Variants in DISC1 observed in about 807,000 individuals in gnomAD.
The protein encoded by DISC1 is disrupted in schizophrenia 1 protein.
A neutral mutation model predicts 84.5 loss-of-function variants in DISC1; 57 were observed. The ratio of observed to expected loss-of-function variants is 0.67; its 90% CI spans 0.55 to 0.84. The LOEUF (loss-of-function observed/expected upper bound fraction) is 0.84. Ranked by LOEUF, DISC1 falls within the 40% of genes least tolerant of loss-of-function variation. The pLI is 0.00. For synonymous variants in DISC1, 411 were observed against 415.2 expected (o/e 0.99, Z 0.12); for missense variants, 1,000 against 1,057.8 (o/e 0.95, Z 0.76).
In DISC1 at chr1:231,817,159, G is replaced by A. The variant is rs539855542; in HGVS notation, c.1793-1170G>A. Among the ~76,000 whole-genome samples the A allele has an allele frequency of 4.6e-5, 7 of 152,202 alleles. No individual in the cohort carries two copies. In the South Asian group the frequency reaches 1.0e-3, roughly 23 times the overall value. ...GAGTGCAGTGGCAGGATCTCAGCTCGCTGCAACCTACACCTCCTGGGTTTA... is the reference window on the plus strand; with the variant it reads ...GAGTGCAGTGGCAGGATCTCAGCTCACTGCAACCTACACCTCCTGGGTTTA... On this transcript the variant is annotated intron_variant, in intron 8 of 12. Transcript: ENST00000439617.
intron 3 of DISC1, among the ~76,000 whole-genome samples, chr1:231,738,280 T>A (rs1271070846): frequency 6.6e-6 from 1 of 152,218 alleles, no homozygotes; most frequent in Non-Finnish European, 1.5e-5. Flanking sequence ...TCCATTCCAT[T>A]TCACCAAGCA....
intron 9 of DISC1, among the ~76,000 whole-genome samples, chr1:231,927,624 A>G (rs988827744): frequency 9.2e-5 from 14 of 152,142 alleles, no homozygotes; most frequent in African/African-American, 3.1e-4. Flanking sequence ...TTTATGGGTA[A>G]CCATGCTTTG....
chr1:232,033,161 C>A (rs1375168490), intron 12 of DISC1, among the ~76,000 whole-genome samples: 1 of 152,156 alleles, frequency 6.6e-6, no homozygotes, highest in Non-Finnish European at 1.5e-5. Flanking sequence ...CATTCCTAGT[C>A]CTCTTCTTCT....
intron 11 of DISC1, among the ~76,000 whole-genome samples, chr1:232,013,106 C>T (rs1256102754): frequency 2.0e-5 from 3 of 152,286 alleles, no homozygotes; most frequent in Non-Finnish European, 4.4e-5. Context: ...CTCTTTTGTA[C>T]GGGCTGTTCT....
intron 10 of DISC1, among the ~76,000 whole-genome samples, chr1:231,986,243 C>T (rs1354250391): frequency 6.6e-6 from 1 of 152,116 alleles, no homozygotes. Flanking sequence ...CTGGGGATCT[C>T]AAGTTGGGAA....
chr1:231,745,517 C>T, intron 3 of DISC1: 1 of 197,208 alleles, frequency 5.1e-6, no homozygotes, highest in Non-Finnish European at 1.1e-5. Flanking sequence ...CCACCGCGCT[C>T]AGCCTAAACA....
intron 6 of DISC1, among the ~76,000 whole-genome samples, chr1:231,788,343 A>G (rs2078050604): frequency 6.6e-6 from 1 of 152,068 alleles, no homozygotes; most frequent in Non-Finnish European, 1.5e-5. Context: ...CCTTCTGGGG[A>G]CTGTTAGGGA....
intron 1 of DISC1, among the ~76,000 whole-genome samples, chr1:231,679,914 T>C (rs1356872173): frequency 2.0e-5 from 3 of 152,170 alleles, no homozygotes; most frequent in Non-Finnish European, 4.4e-5. Context: ...TTGAGCTTTT[T>C]GTATGTAGTC....
intron 9 of DISC1, among the ~76,000 whole-genome samples, chr1:231,863,635 A>T (rs1490539410): frequency 6.6e-6 from 1 of 152,210 alleles, no homozygotes; most frequent in Non-Finnish European, 1.5e-5. Context: ...CTTGGGGTAG[A>T]TTGAACTTCT....
intron 1 of DISC1, 143 bp from the exon 2 acceptor site, chr1:231,693,683 C>A: frequency 8.0e-7 from 1 of 1,253,522 alleles, no homozygotes; most frequent in Non-Finnish European, 1.1e-6. Flanking sequence ...AATGGATTGG[C>A]CCTGGGACCA....
intron 1 of DISC1, among the ~76,000 whole-genome samples, chr1:231,669,545 C>T (rs2062366791): frequency 6.6e-6 from 1 of 151,680 alleles, no homozygotes; most frequent in South Asian, 2.1e-4. Context: ...CAAACAACCC[C>T]ATTAAAAAGT....
intron 6 of DISC1, among the ~76,000 whole-genome samples, chr1:231,777,716 A>G (rs113442175): frequency 0.021 from 3,267 of 152,236 alleles, 67 homozygotes; most frequent in African/African-American, 0.053. Flanking sequence ...TCTCCACTCA[A>G]ATTTATCCTG....
chr1:231,819,175 G>T, intron 9 of DISC1: 2 of 967,368 alleles, frequency 2.1e-6, no homozygotes, highest in Non-Finnish European at 2.5e-6. Context: ...CTTAAAAAAT[G>T]GTTCCTAAAT....
chr1:231,875,203 G>A (rs1418165717), intron 9 of DISC1, among the ~76,000 whole-genome samples: 2 of 152,222 alleles, frequency 1.3e-5, no homozygotes, highest in East Asian at 3.9e-4. Flanking sequence ...TGGAGTAGAT[G>A]ATCCAGGATG....
intron 3 of DISC1, among the ~76,000 whole-genome samples, chr1:231,743,000 T>A (rs936862433): frequency 5.9e-5 from 9 of 152,240 alleles, no homozygotes; most frequent in Non-Finnish European, 1.3e-4. Flanking sequence ...CGATAACTTA[T>A]ATCTTTCTTT....
At chr1:231,791,017 CT>C (rs370400880) in intron 6 of DISC1, among the ~76,000 whole-genome samples, 42 of 152,284 alleles carry the variant, frequency 2.8e-4, no homozygotes, top group African/African-American at 8.9e-4. Context: ...ATTTAATTTT[CT>C]TTTGCCACAG....
At chr1:231,657,499 G>T (rs1482819291) in intron 1 of DISC1, among the ~76,000 whole-genome samples, 1 of 152,162 alleles carries the variant, frequency 6.6e-6, no homozygotes, top group East Asian at 1.9e-4. Context: ...GATACCATTT[G>T]TAGGTTTTTG....
At chr1:231,862,208 A>G (rs990076554) in intron 9 of DISC1, among the ~76,000 whole-genome samples, 6 of 152,186 alleles carry the variant, frequency 3.9e-5, no homozygotes, top group African/African-American at 1.4e-4. Flanking sequence ...GGTGTTATAC[A>G]TGAGGCATCT....
chr1:231,914,458 A>G (rs1191268413), intron 9 of DISC1, among the ~76,000 whole-genome samples: 2 of 152,204 alleles, frequency 1.3e-5, no homozygotes, highest in African/African-American at 4.8e-5. Flanking sequence ...CATCCTTGTC[A>G]CAGCTCTGCT....
Sources: allele counts gnomAD v4.1 joint callset (sites outside exome capture counted in the v4.1 genomes callset), GRCh38; gene constraint gnomAD v4.1.1; transcripts MANE v1.5; gene names NCBI Gene and HGNC (gene_info 2026-07-23, HGNC 2026-07-21).